The following AKT3 variants were observed in gnomAD, a reference collection of about 807,000 sequenced individuals.
AKT3 encodes the protein RAC-gamma serine/threonine-protein kinase.
AKT3 carries 15 observed loss-of-function variants against 65.3 expected under a neutral mutation model. The ratio of observed to expected loss-of-function variants is 0.23; its 90% CI spans 0.15 to 0.35. AKT3 has a LOEUF of 0.35. AKT3 is among the 10% of genes least tolerant of loss of function. The probability of loss-of-function intolerance (pLI) is 1.00; values close to 1 mark genes in which losing one functional copy is unlikely to be tolerated. For missense variants in AKT3, 243 were observed against 576.5 expected (o/e 0.42, Z 5.92); for synonymous variants, 206 against 183.8 (o/e 1.12, Z -0.98).
chr1:243,719,896 G>C (rs1306502878), intron 2 of AKT3, among the ~76,000 whole-genome samples: 1 of 152,162 alleles, frequency 6.6e-6, no homozygotes, highest in Admixed American at 6.5e-5. Flanking sequence ...CAGAGTAGGT[G>C]TATTACGCGC....
intron 13 of AKT3, among the ~76,000 whole-genome samples, chr1:243,494,214 ATTG>A (rs1345318827): frequency 6.6e-6 from 1 of 152,180 alleles, no homozygotes; most frequent in Non-Finnish European, 1.5e-5. Context: ...TTTCAACCAA[ATTG>A]TTGTTTTTTT....
rs1004118000 is a variant in AKT3 at position 243,836,273 on chromosome 1, T to A, written c.46+6852A>T. 2.0e-5 allele frequency among the ~76,000 whole-genome samples: 3 copies of A among 152,046 alleles called. 1 individual carries two copies. Among genetic ancestry groups the A allele is most frequent in the Admixed American group, 2.0e-4 (3 of 15,264 alleles). Reference sequence around the variant, plus strand: ...ATATCACACAAACTGAATTCCAAGATAAAGAGTGTCACTTGAGAAAAAGGT... The same window carrying A: ...ATATCACACAAACTGAATTCCAAGAAAAAGAGTGTCACTTGAGAAAAAGGT... On this transcript the variant is annotated intron_variant, in intron 2 of 13. Coordinates refer to ENST00000673466, the MANE Select transcript of AKT3 (RefSeq NM_005465.7).
intron 8 of AKT3, among the ~76,000 whole-genome samples, chr1:243,595,387 T>G (rs1367539176): frequency 6.6e-6 from 1 of 152,202 alleles, no homozygotes; most frequent in African/African-American, 2.4e-5. Flanking sequence ...AAGGCCTAGG[T>G]GATTACTGTA....
At chr1:243,797,557 C>A (rs535970811) in intron 2 of AKT3, among the ~76,000 whole-genome samples, 11 of 152,206 alleles carry the variant, frequency 7.2e-5, no homozygotes, top group Admixed American at 3.9e-4. Context: ...CTATTTATGA[C>A]CCAAATAGCA....
At chr1:243,529,206 C>G (rs1215421596) in intron 12 of AKT3, among the ~76,000 whole-genome samples, 3 of 149,704 alleles carry the variant, frequency 2.0e-5, no homozygotes, top group Non-Finnish European at 4.4e-5. Context: ...AATATTAGAC[C>G]TTTGTCAGAT....
At chr1:243,746,026 G>A (rs747753819) in intron 2 of AKT3, among the ~76,000 whole-genome samples, 7 of 152,080 alleles carry the variant, frequency 4.6e-5, no homozygotes, top group Admixed American at 1.3e-4. Flanking sequence ...TTTAATGCAG[G>A]TATCAAAAAC....
chr1:243,569,416 T>C (rs184130148), intron 9 of AKT3, among the ~76,000 whole-genome samples: 4 of 152,264 alleles, frequency 2.6e-5, no homozygotes, highest in South Asian at 2.1e-4. Context: ...GATTTCTATA[T>C]AGGGGGAAAT....
intron 11 of AKT3, among the ~76,000 whole-genome samples, chr1:243,546,291 G>A (rs187862496): frequency 6.6e-6 from 1 of 152,136 alleles, no homozygotes; most frequent in Admixed American, 6.5e-5. Flanking sequence ...TGCGGTCTCA[G>A]GTATTTCTTC....
chr1:243,751,095 T>C (rs1441045907), intron 2 of AKT3, among the ~76,000 whole-genome samples: 1 of 152,142 alleles, frequency 6.6e-6, no homozygotes, highest in Non-Finnish European at 1.5e-5. Flanking sequence ...GCTCTATAAT[T>C]TGTCACAACT....
intron 12 of AKT3, among the ~76,000 whole-genome samples, chr1:243,538,633 T>A (rs1558598873): frequency 6.6e-6 from 1 of 152,024 alleles, no homozygotes; most frequent in Non-Finnish European, 1.5e-5. Context: ...AGTACTTATA[T>A]TAATATCAGA....
chr1:243,573,083 A>T, intron 8 of AKT3, 35 bp from the exon 9 acceptor site: 1 of 1,605,682 alleles, frequency 6.2e-7, no homozygotes. Context: ...GATTGTAATA[A>T]TTACTGATTT....
intron 3 of AKT3, among the ~76,000 whole-genome samples, chr1:243,676,997 C>T (rs913677176): frequency 3.9e-5 from 6 of 152,204 alleles, no homozygotes; most frequent in Admixed American, 6.5e-5. Context: ...TGTTCAAATA[C>T]ATTTCTTAGC....
intron 1 of AKT3, among the ~76,000 whole-genome samples, chr1:243,847,416 T>C (rs1307388869): frequency 6.6e-6 from 1 of 152,116 alleles, no homozygotes; most frequent in African/African-American, 2.4e-5. Flanking sequence ...AACTAAAAGA[T>C]ATAATAACAA....
intron 2 of AKT3, among the ~76,000 whole-genome samples, chr1:243,833,088 C>T (rs1230043534): frequency 6.6e-6 from 1 of 151,878 alleles, no homozygotes; most frequent in African/African-American, 2.4e-5. Context: ...GGTGAAACCC[C>T]GTCGCTTAAT....
At chr1:243,778,534 A>C (rs1247194581) in intron 2 of AKT3, among the ~76,000 whole-genome samples, 1 of 152,234 alleles carries the variant, frequency 6.6e-6, no homozygotes, top group Non-Finnish European at 1.5e-5. Context: ...GTTGCAGAGT[A>C]TCATCCTATA....
At chr1:243,543,074 G>T (rs1260334467) in intron 12 of AKT3, among the ~76,000 whole-genome samples, 1 of 152,036 alleles carries the variant, frequency 6.6e-6, no homozygotes, top group Non-Finnish European at 1.5e-5. Context: ...CAACTTGAAC[G>T]AATTTATCTA....
At chr1:243,830,073 T>C (rs2148445770) in intron 2 of AKT3, among the ~76,000 whole-genome samples, 1 of 152,296 alleles carries the variant, frequency 6.6e-6, no homozygotes, top group East Asian at 1.9e-4. Flanking sequence ...TTCCCATCTG[T>C]GGATTCAACC....
At chr1:243,492,255 G>C (rs1666635057) in intron 13 of AKT3, among the ~76,000 whole-genome samples, 1 of 149,458 alleles carries the variant, frequency 6.7e-6, no homozygotes, top group Non-Finnish European at 1.5e-5. Context: ...CGGTGGGCAG[G>C]ACTCAGGGCA....
intron 2 of AKT3, among the ~76,000 whole-genome samples, chr1:243,743,796 A>G (rs1029836760): frequency 2.0e-5 from 3 of 152,248 alleles, no homozygotes; most frequent in African/African-American, 7.2e-5. Flanking sequence ...GATTGCTTAC[A>G]CCCAGGAGTT....
Sources: allele counts gnomAD v4.1 joint callset (sites outside exome capture counted in the v4.1 genomes callset), GRCh38; gene constraint gnomAD v4.1.1; transcripts MANE v1.5; gene names NCBI Gene and HGNC (gene_info 2026-07-23, HGNC 2026-07-21).